HSP90AA1: variants seen among roughly 807,000 people sequenced by gnomAD.
The protein encoded by HSP90AA1 is heat shock protein HSP 90-alpha.
In HSP90AA1, 18 loss-of-function variants were observed where a neutral mutation model predicts 73.3. That is an observed-to-expected ratio of 0.25 (90% CI 0.17 to 0.36). The LOEUF is 0.36. Among genes scored for constraint, HSP90AA1 ranks in the 10% least tolerant of loss-of-function variants. HSP90AA1 has a pLI of 1.00. For missense variants in HSP90AA1, 704 were observed against 874.2 expected (o/e 0.81, Z 2.45); for synonymous variants, 477 against 296.9 (o/e 1.61, Z -6.24).
Position 102,123,392 on chromosome 14 carries a change from A to C in HSP90AA1, c.155+15858T>G, listed in dbSNP as rs79195818. Reference sequence around the variant, plus strand: ...AACAGAGCGAGACTCGGTCTAAAAAAAGAAAGACAAAAAACAAAAACAAAA... The same window carrying C: ...AACAGAGCGAGACTCGGTCTAAAAACAGAAAGACAAAAAACAAAAACAAAA... On this transcript the variant is annotated intron_variant, in intron 1 of 11. Coordinates refer to the HSP90AA1 transcript ENST00000334701. Among the ~76,000 whole-genome samples, 589 of 152,306 alleles carry C rather than the reference A, an allele frequency of 3.9e-3. 9 individuals are homozygous for C. The East Asian group carries it at 0.048, about 13-fold the overall frequency.
chr14:102,099,449 T>C (rs1338665655), intron 2 of HSP90AA1, among the ~76,000 whole-genome samples: 3 of 152,084 alleles, frequency 2.0e-5, no homozygotes, highest in Non-Finnish European at 2.9e-5. Context: ...TCCCAGCTAC[T>C]TGGGAGGCTG....
chr14:102,119,098 A>G (rs1245303458), intron 1 of HSP90AA1, among the ~76,000 whole-genome samples: 4 of 149,714 alleles, frequency 2.7e-5, no homozygotes. Context: ...CAAGCGATCC[A>G]CCCTCCTCGC....
chr14:102,089,396 C>A (rs76838299), upstream of HSP90AA1, among the ~76,000 whole-genome samples: 2 of 152,154 alleles, frequency 1.3e-5, no homozygotes, highest in African/African-American at 2.4e-5. Context: ...TTCCAGCTCT[C>A]CCCCCTCGGT....
chr14:102,113,547 G>A (rs1033515979), intron 1 of HSP90AA1, among the ~76,000 whole-genome samples: 1 of 150,374 alleles, frequency 6.7e-6, no homozygotes, highest in Non-Finnish European at 1.5e-5. Flanking sequence ...CACCATGCCT[G>A]GCTAATTTTT....
intron 1 of HSP90AA1, among the ~76,000 whole-genome samples, chr14:102,135,801 C>A (rs537238259): frequency 6.6e-6 from 1 of 152,260 alleles, no homozygotes; most frequent in African/African-American, 2.4e-5. Context: ...GCTGGCTACT[C>A]CAAGTGCGGG....
chr14:102,132,291 C>T (rs780312566), intron 1 of HSP90AA1, among the ~76,000 whole-genome samples: 5 of 152,074 alleles, frequency 3.3e-5, no homozygotes, highest in East Asian at 3.9e-4. Context: ...AGCTTGAACC[C>T]GGGTGGTGGA....
Position 102,095,838 on chromosome 14 carries a change from A to C in HSP90AA1, c.366+6037T>G, listed in dbSNP as rs1022538943. ...GCCCTCAGGGCCCCACACCATTTCC[A>C]CTTCCAGCTGGGTCTTGCTGGGTTT... is the stretch of plus-strand genomic sequence containing the variant. On this transcript the variant is annotated intron_variant, in intron 2 of 11. Transcript: ENST00000334701. 2.0e-5 allele frequency among the ~76,000 whole-genome samples: 3 copies of C among 151,712 alleles called. No individual in the cohort carries two copies. In the South Asian group the frequency reaches 6.2e-4, roughly 32 times the overall value.
intron 2 of HSP90AA1, among the ~76,000 whole-genome samples, chr14:102,095,195 A>G (rs1252272614): frequency 6.6e-6 from 1 of 152,182 alleles, no homozygotes; most frequent in Non-Finnish European, 1.5e-5. Flanking sequence ...TGGGACAGGC[A>G]TGGATGGGCA....
At chr14:102,110,857 A>C (rs947451809) in intron 1 of HSP90AA1, among the ~76,000 whole-genome samples, 1 of 152,156 alleles carries the variant, frequency 6.6e-6, no homozygotes, top group Non-Finnish European at 1.5e-5. Context: ...CTAGGATTAC[A>C]GGCGTGAGCC....
chr14:102,124,534 G>C (rs1046541313), intron 1 of HSP90AA1, among the ~76,000 whole-genome samples: 2 of 151,634 alleles, frequency 1.3e-5, no homozygotes, highest in Non-Finnish European at 2.9e-5. Flanking sequence ...ATTGTCTATT[G>C]TTTCTTTTTT....
intron 2 of HSP90AA1, among the ~76,000 whole-genome samples, chr14:102,094,462 G>A (rs923126318): frequency 5.3e-5 from 8 of 152,230 alleles, no homozygotes; most frequent in Admixed American, 3.9e-4. Context: ...AACTCTTGAA[G>A]AGTGCTAGGA....
intron 8 of HSP90AA1, 84 bp downstream of exon 8, chr14:102,083,462 G>A: frequency 6.9e-7 from 1 of 1,447,148 alleles, no homozygotes; most frequent in Non-Finnish European, 9.7e-7. Flanking sequence ...AGTTGTAACA[G>A]TGCTACCTGA....
chr14:102,083,476 G>C, intron 8 of HSP90AA1, 70 bp downstream of exon 8: 1 of 1,509,134 alleles, frequency 6.6e-7, no homozygotes, highest in Non-Finnish European at 9.2e-7. Context: ...TACCTGAGTA[G>C]AAAACACACC....
At chr14:102,088,080 T>A (rs2049293140), upstream of HSP90AA1, among the ~76,000 whole-genome samples, 1 of 151,690 alleles carries the variant, frequency 6.6e-6, no homozygotes, top group Non-Finnish European at 1.5e-5. Flanking sequence ...TCCCAGTAGC[T>A]GGGACGAGCG....
At chr14:102,088,252 G>T (rs1170592145), upstream of HSP90AA1, among the ~76,000 whole-genome samples, 3 of 152,202 alleles carry the variant, frequency 2.0e-5, no homozygotes, top group Non-Finnish European at 4.4e-5. Context: ...TGGAGGCATT[G>T]GGGTTCCTTC....
upstream of HSP90AA1, among the ~76,000 whole-genome samples, chr14:102,091,986 T>A (rs1392455598): frequency 6.6e-6 from 1 of 152,044 alleles, no homozygotes; most frequent in Non-Finnish European, 1.5e-5. Context: ...ATTTTTAAAA[T>A]TTCCTTTTAT....
Position 102,084,829 on chromosome 14 carries a change from T to C in HSP90AA1, c.833A>G (p.Lys278Arg), listed in dbSNP as rs773281964. Reference sequence around the variant, plus strand: ...ATCGATGTACTTTTCCTTAATCTTCTTCTTCTTCTTCTTGTCACCATCCTT... The same window carrying C: ...ATCGATGTACTTTTCCTTAATCTTCCTCTTCTTCTTCTTGTCACCATCCTT... ...EKKDGDKKKK[K>R]KIKEKYIDQE... Residue 278 changes from lysine to arginine, a missense_variant, in exon 5 of 11, where the codon AAG (lysine) becomes AGG (arginine). Coordinates refer to ENST00000216281, the MANE Select transcript of HSP90AA1 (RefSeq NM_005348.4). 1.9e-6 allele frequency: 3 copies of C among 1,600,978 alleles called. No homozygotes were observed. The highest frequency in any genetic ancestry group is 4.5e-5 in the East Asian group (2 of 44,816).
At chr14:102,086,947 C>G (rs2049256514) in intron 1 of HSP90AA1, 39 bp downstream of exon 1, 2 of 973,240 alleles carry the variant, frequency 2.1e-6, no homozygotes, top group Admixed American at 1.2e-4. Flanking sequence ...AGTCCCGGTC[C>G]CCAGTCCACC....
At chr14:102,128,819 G>C (rs1012572195) in intron 1 of HSP90AA1, among the ~76,000 whole-genome samples, 1 of 149,614 alleles carries the variant, frequency 6.7e-6, no homozygotes, top group African/African-American at 2.5e-5. Flanking sequence ...AGAAAGAAAA[G>C]AAGAGAAGAG....
Sources: allele counts gnomAD v4.1 joint callset (sites outside exome capture counted in the v4.1 genomes callset), GRCh38; gene constraint gnomAD v4.1.1; transcripts MANE v1.5; gene names NCBI Gene and HGNC (gene_info 2026-07-23, HGNC 2026-07-21).